Variants in ZNF76 observed in about 807,000 individuals in gnomAD.
The protein encoded by ZNF76 is zinc finger protein 523.
ZNF76 carries 66 observed loss-of-function variants against 66.9 expected under a neutral mutation model. The observed-to-expected ratio is 0.99, with a 90% CI of 0.81 to 1.21. The LOEUF is 1.21. Ranked by LOEUF, ZNF76 falls within the 50% of genes most tolerant of loss-of-function variation. The pLI is 0.00. For missense variants in ZNF76, 729 were observed against 760.3 expected, an observed-to-expected ratio of 0.96 and a Z score of 0.48; for synonymous variants, 275 against 296.1, an observed-to-expected ratio of 0.93 and a Z score of 0.73.
chr6:35,262,485 T>G (rs889814125), intron 1 of ZNF76, among the ~76,000 whole-genome samples: 8 of 152,158 alleles, frequency 5.3e-5, no homozygotes, highest in African/African-American at 1.9e-4. Flanking sequence ...TTCCAGCCCT[T>G]TCCCTGTGAA....
At chr6:35,259,618 G>T (rs531915123), upstream of ZNF76, 346 of 151,880 alleles carry the variant, frequency 2.3e-3, 1 homozygote, top group Admixed American at 3.9e-3. Context: ...GCGAAGCGGG[G>T]GGCGGGGTGG....
chr6:35,279,076 G>A (rs1788353219), intron 1 of ZNF76: 1 of 152,280 alleles, frequency 6.6e-6, no homozygotes. Context: ...TCTAAGAGCT[G>A]TAGGAAACTA....
rs1562133740 is a variant in ZNF76, at chr6:35,292,825, C to G, written c.1165+38C>G. ...GGCAGAGGGTGAGAGTGGGGACAAG[C>G]CAGGCCTCCCCATGGCATCTGGTAG... On this transcript the variant is annotated intron_variant, in intron 10 of 13. Coordinates refer to ENST00000373953, the MANE Select transcript of ZNF76 (RefSeq NM_003427.5). This position sits in a 1 kb window ranked among gnomAD's most constrained non-coding sequence, Gnocchi z 4.7. 6.2e-7 allele frequency: 1 copy of G among 1,613,718 alleles called. No individual in the cohort carries two copies. The highest frequency in any genetic ancestry group is 8.5e-7 in the Non-Finnish European group (1 of 1,179,698).
chr6:35,291,134 C>T (rs1352629915), intron 7 of ZNF76, 144 bp from the exon 8 acceptor site: 2 of 1,130,328 alleles, frequency 1.8e-6, no homozygotes, highest in East Asian at 2.6e-5. Flanking sequence ...GCTTTTCCAG[C>T]CCCTGCCCAG....
At chr6:35,286,698 A>T (rs1789616270) in intron 4 of ZNF76, 1 of 490,732 alleles carries the variant, frequency 2.0e-6, no homozygotes, top group African/African-American at 1.9e-5. Context: ...GGACCCGAGG[A>T]TATCATCCAA....
At position 35,294,536 on chromosome 6, in the gene ZNF76, GGCCACA is replaced by G; in HGVS notation, c.1580_1585del (p.Thr527_Ala528del). ...TTCGTCATCAACAGGTGGCACTGTT[GGCCACA>G]GCCAACGGAACGCACATTGCAGTGC... On this transcript the variant is annotated inframe_deletion, in exon 13 of 14. Transcript: ENST00000373953. The G allele has an allele frequency of 6.2e-7, 1 of 1,614,018 alleles. No individual in the cohort carries two copies. Among genetic ancestry groups the G allele is most frequent in the South Asian group, 1.1e-5 (1 of 91,070 alleles).
chr6:35,278,835 G>T lies in ZNF76; in HGVS notation c.-96-2221G>T, dbSNP rs555486592. Among the ~76,000 whole-genome samples the T allele has an allele frequency of 3.9e-5, 6 of 152,308 alleles. No individual in the cohort carries two copies. The East Asian group carries it at 9.7e-4, about 25-fold the overall frequency. On this transcript the variant is annotated intron_variant, in intron 1 of 13. Transcript: ENST00000373953. ...AGTGCTTCCCACCTTGCACATGAGG[G>T]ACCCAGGGAGTCACTCACAGGATGT...
chr6:35,286,439 G>A (rs1302644665), intron 4 of ZNF76, 40 bp downstream of exon 4: 1 of 1,590,768 alleles, frequency 6.3e-7, no homozygotes, highest in Non-Finnish European at 8.6e-7. Context: ...AGGATGGGAG[G>A]CAGGACTGGA....
chr6:35,286,429 A>G (rs2150367157), intron 4 of ZNF76, 30 bp downstream of exon 4: 1 of 1,605,900 alleles, frequency 6.2e-7, no homozygotes, highest in South Asian at 1.1e-5. Context: ...AACTCGGGGA[A>G]GGATGGGAGG....
At chr6:35,272,344 C>T (rs983154366) in intron 1 of ZNF76, among the ~76,000 whole-genome samples, 1 of 152,098 alleles carries the variant, frequency 6.6e-6, no homozygotes, top group East Asian at 1.9e-4. Context: ...TAGTGCACAC[C>T]TGTAGTCCCA....
intron 12 of ZNF76, 110 bp from the exon 13 acceptor site, chr6:35,294,346 C>A: frequency 1.3e-6 from 1 of 748,036 alleles, no homozygotes; most frequent in Non-Finnish European, 2.3e-6. Context: ...CGGTTTTATC[C>A]ATTCTCTTCT....
chr6:35,286,474 T>G lies in ZNF76; in HGVS notation c.232+75T>G, dbSNP rs1354151831. ...AGGATGGGGTGGCAGGACTGGAGGA[T>G]GGGATGGCACACAACTGGGGTGTAG... On this transcript the variant is annotated intron_variant, in intron 4 of 13. Coordinates refer to ENST00000373953, the MANE Select transcript of ZNF76 (RefSeq NM_003427.5). 16 of 1,387,586 alleles carry G rather than the reference T, an allele frequency of 1.2e-5. No individual in the cohort carries two copies. In the Admixed American group the frequency reaches 1.4e-4, roughly 12 times the overall value. The allele number at this position is 1,387,586 out of a possible 1,614,324, so 86.0% of individuals were successfully genotyped here.
chr6:35,291,869 G>T (rs9366883), intron 9 of ZNF76, 132 bp downstream of exon 9: 112 of 1,104,668 alleles, frequency 1.0e-4, no homozygotes, highest in Non-Finnish European at 1.3e-4. Flanking sequence ...GCTGGTCTGG[G>T]GGTAGGGTAT....
intron 1 of ZNF76, among the ~76,000 whole-genome samples, chr6:35,263,581 A>G (rs1363343153): frequency 6.6e-6 from 1 of 152,220 alleles, no homozygotes. Context: ...AGAGTTGAGG[A>G]AAGGGTATAC....
In ZNF76 at chr6:35,287,785, AGAG is replaced by A; in HGVS notation, c.375_377del (p.Glu125del). The A allele has an allele frequency of 6.2e-7, 1 of 1,613,696 alleles. No individual in the cohort carries two copies. Among genetic ancestry groups the A allele is most frequent in the Admixed American group, 1.7e-5 (1 of 59,982 alleles). The stretch of plus-strand genomic sequence containing the variant: ...AGGTGGGCTTGGAGGACCTGGCAGC[AGAG>A]GATGATGAGGGCTTCAGTGCAGACG... On this transcript the variant is annotated inframe_deletion, in exon 5 of 14. Coordinates refer to ENST00000373953, the MANE Select transcript of ZNF76 (RefSeq NM_003427.5). The surrounding 1 kb of genome is among the most constrained non-coding windows in gnomAD (Gnocchi z 4.0).
chr6:35,294,633 G>C (rs1419018009), intron 13 of ZNF76, 64 bp downstream of exon 13: 1 of 1,149,558 alleles, frequency 8.7e-7, no homozygotes, highest in Non-Finnish European at 1.3e-6. Flanking sequence ...GAATAAAGGG[G>C]AATTAGATGA....
Position 35,292,754 on chromosome 6 carries a change from G to A in ZNF76, c.1132G>A (p.Glu378Lys), listed in dbSNP as rs1385003654. The A allele has an allele frequency of 6.2e-7, 1 of 1,614,046 alleles. No individual in the cohort carries two copies. The highest frequency in any genetic ancestry group is 8.5e-7 in the Non-Finnish European group (1 of 1,179,972). The change falls in exon 10 of 14, where the codon GAG (glutamate) becomes AAG (lysine). Residue 378 changes from glutamate to lysine, a missense_variant. Physicochemically the swap from Glu to Lys is moderately conservative, Grantham distance 56. Coordinates refer to ENST00000373953, the MANE Select transcript of ZNF76 (RefSeq NM_003427.5). The surrounding 1 kb of genome is among the most constrained non-coding windows in gnomAD (Gnocchi z 4.7). Reference sequence around the variant, plus strand: ...CGAGCTGGAGGCCACGGAGGAGAGCGAGCAGGCCCTCTATGAGCAGCAGCA... The same window carrying A: ...CGAGCTGGAGGCCACGGAGGAGAGCAAGCAGGCCCTCTATGAGCAGCAGCA... ...HGELEATEESEQALYEQQQLE... is the reference protein window; with the variant it reads ...HGELEATEESKQALYEQQQLE...
intron 1 of ZNF76, among the ~76,000 whole-genome samples, chr6:35,278,664 G>C (rs900839544): frequency 7.9e-5 from 12 of 152,250 alleles, no homozygotes; most frequent in Non-Finnish European, 2.9e-5. Context: ...AGAATTTTGA[G>C]AATGGATGTC....
intron 1 of ZNF76, among the ~76,000 whole-genome samples, 165 bp from the exon 2 acceptor site, chr6:35,280,891 A>G (rs1013073436): frequency 3.9e-5 from 6 of 152,140 alleles, no homozygotes; most frequent in Non-Finnish European, 5.9e-5. Flanking sequence ...ATTCTTAGAT[A>G]ATGTGTATTT....
Sources: allele counts gnomAD v4.1 joint callset (sites outside exome capture counted in the v4.1 genomes callset), GRCh38; gene constraint gnomAD v4.1.1; non-coding constraint Gnocchi (gnomAD v3.1); transcripts MANE v1.5; gene names NCBI Gene and HGNC (gene_info 2026-07-23, HGNC 2026-07-21).